TPRG1: variants seen among roughly 807,000 people sequenced by gnomAD.
The protein encoded by TPRG1 is tumor protein p63 regulated 1.
Under a neutral mutation model 29.3 loss-of-function variants are expected in TPRG1, and 29 were observed. That is an observed-to-expected ratio of 0.99 (90% confidence interval 0.74 to 1.35). TPRG1 has a LOEUF of 1.35. Ranked by LOEUF, TPRG1 falls within the 40% of genes most tolerant of loss-of-function variation. The pLI, the probability that TPRG1 is intolerant of heterozygous loss-of-function variation, is 0.00. For missense variants in TPRG1, 327 were observed against 335.0 expected (o/e 0.98, Z 0.19); for synonymous variants, 130 against 116.8 (o/e 1.11, Z -0.73).
chr3:189,006,913 T>C (rs1712319347), intron 3 of TPRG1, among the ~76,000 whole-genome samples: 1 of 152,158 alleles, frequency 6.6e-6, no homozygotes, highest in Non-Finnish European at 1.5e-5. Flanking sequence ...TTAAAATATT[T>C]ACAATCTGGT....
intron 1 of TPRG1, among the ~76,000 whole-genome samples, chr3:189,181,972 C>T (rs928639150): frequency 1.1e-4 from 16 of 152,166 alleles, no homozygotes; most frequent in Non-Finnish European, 1.3e-4. Context: ...ACATGGATGG[C>T]AGCAGACAAA....
chr3:189,034,600 A>T (rs1445366897), intron 4 of TPRG1, among the ~76,000 whole-genome samples: 1 of 152,314 alleles, frequency 6.6e-6, no homozygotes, highest in East Asian at 1.9e-4. Flanking sequence ...AGTCTTTAAA[A>T]ATTGTTAGTT....
chr3:189,072,867 A>G (rs1374888980), intron 4 of TPRG1, among the ~76,000 whole-genome samples: 6 of 152,138 alleles, frequency 3.9e-5, no homozygotes, highest in African/African-American at 1.4e-4. Flanking sequence ...ATAATCTACA[A>G]CAGTTCTCAT....
intron 4 of TPRG1, among the ~76,000 whole-genome samples, chr3:189,036,408 A>G (rs1228763871): frequency 6.6e-6 from 1 of 152,130 alleles, no homozygotes; most frequent in African/African-American, 2.4e-5. Flanking sequence ...AAACCTGCAC[A>G]TGTACCCCAT....
chr3:189,166,093 C>T (rs1728134235), intron 5 of TPRG1, among the ~76,000 whole-genome samples: 1 of 152,240 alleles, frequency 6.6e-6, no homozygotes, highest in South Asian at 2.1e-4. Context: ...CTTGGCTAAG[C>T]ATTCCAGACC....
intron 1 of TPRG1, among the ~76,000 whole-genome samples, chr3:189,110,455 CAT>C (rs996202565): frequency 9.7e-4 from 147 of 152,162 alleles, no homozygotes; most frequent in African/African-American, 3.5e-3. Context: ...CCATATCAAA[CAT>C]ATCATTTGGA....
chr3:189,139,342 C>T lies in TPRG1; in HGVS notation c.-291+6645C>T, dbSNP rs574870039. 5.3e-5 allele frequency among the ~76,000 whole-genome samples: 8 copies of T among 152,280 alleles called. No homozygotes were observed. The East Asian group carries it at 1.2e-3, about 22-fold the overall frequency. The stretch of plus-strand genomic sequence containing the variant: ...CTGACCACACTTTGGGGAGCTGACC[C>T]GGATCCAGCCCTGGACTGGGGGCCA... On this transcript the variant is annotated intron_variant, in intron 3 of 6. Coordinates refer to the TPRG1 transcript ENST00000412373.
intron 1 of TPRG1, among the ~76,000 whole-genome samples, chr3:189,110,945 T>C (rs1246262070): frequency 6.6e-6 from 1 of 151,652 alleles, no homozygotes; most frequent in Non-Finnish European, 1.5e-5. Flanking sequence ...ATAAAACCTT[T>C]CTTTAATACC....
intron 4 of TPRG1, among the ~76,000 whole-genome samples, chr3:189,035,327 A>G (rs1161324847): frequency 1.3e-5 from 2 of 152,194 alleles, no homozygotes; most frequent in Non-Finnish European, 1.5e-5. Flanking sequence ...CTCAAACTAT[A>G]AAAACCTAGA....
At chr3:189,132,141 C>G (rs1028660636) in intron 2 of TPRG1, among the ~76,000 whole-genome samples, 2 of 152,178 alleles carry the variant, frequency 1.3e-5, no homozygotes, top group African/African-American at 2.4e-5. Flanking sequence ...CCCTGTCTAA[C>G]TTGGTCTCTT....
chr3:189,137,597 C>T (rs745827299), intron 3 of TPRG1, among the ~76,000 whole-genome samples: 19 of 152,046 alleles, frequency 1.2e-4, no homozygotes, highest in Non-Finnish European at 2.6e-4. Flanking sequence ...GAGCAGGCTA[C>T]AGCTTTGCCT....
chr3:189,270,796 T>C (rs183031091), intron 4 of TPRG1, among the ~76,000 whole-genome samples: 20 of 152,194 alleles, frequency 1.3e-4, no homozygotes, highest in Non-Finnish European at 2.5e-4. Flanking sequence ...ACAAACATCC[T>C]GAAGGCCACA....
chr3:189,045,680 TTATA>T (rs1714932142), intron 4 of TPRG1, among the ~76,000 whole-genome samples: 1 of 152,214 alleles, frequency 6.6e-6, no homozygotes, highest in Admixed American at 6.5e-5. Context: ...GTTACTAATA[TTATA>T]TATTTTTCCT....
intron 5 of TPRG1, among the ~76,000 whole-genome samples, chr3:189,314,888 G>T (rs1433381925): frequency 6.6e-6 from 1 of 152,170 alleles, no homozygotes; most frequent in Admixed American, 6.5e-5. Context: ...AGGAGGCTAA[G>T]GTGGGAGGAT....
chr3:189,014,640 C>G (rs1712825807), intron 3 of TPRG1, among the ~76,000 whole-genome samples: 1 of 152,112 alleles, frequency 6.6e-6, no homozygotes. Flanking sequence ...CCTTGCTGTT[C>G]TCATGATTGT....
chr3:189,177,847 G>A (rs1265480315), intron 1 of TPRG1, among the ~76,000 whole-genome samples: 2 of 152,168 alleles, frequency 1.3e-5, no homozygotes, highest in African/African-American at 4.8e-5. Flanking sequence ...CGTTAAAACA[G>A]AATATTCTTG....
intron 4 of TPRG1, among the ~76,000 whole-genome samples, chr3:189,271,056 G>T (rs1715045101): frequency 6.6e-6 from 1 of 152,142 alleles, no homozygotes; most frequent in African/African-American, 2.4e-5. Flanking sequence ...GAAGGCAGGA[G>T]AGTGGTTGAC....
intron 1 of TPRG1, among the ~76,000 whole-genome samples, chr3:189,125,875 G>GTGTGTGTGTGTGTGT (rs1553907353): frequency 7.6e-6 from 1 of 131,828 alleles, no homozygotes; most frequent in Non-Finnish European, 1.6e-5. Flanking sequence ...GTGTGTGTTT[G>GTGTGTGTGTGTGTGT]GTATATTTAG....
At chr3:189,130,078 A>G (rs73053499) in intron 2 of TPRG1, among the ~76,000 whole-genome samples, 10,221 of 152,272 alleles carry the variant, frequency 0.067, 924 homozygotes, top group African/African-American at 0.21. Flanking sequence ...TAATGCAGTT[A>G]TCAAGCACTC....
Sources: allele counts gnomAD v4.1 joint callset (sites outside exome capture counted in the v4.1 genomes callset), GRCh38; gene constraint gnomAD v4.1.1; transcripts MANE v1.5; gene names NCBI Gene and HGNC (gene_info 2026-07-23, HGNC 2026-07-21).